The following SEMA5A variants were observed in gnomAD, a reference collection of about 807,000 sequenced individuals.
The protein encoded by SEMA5A is semaphorin 5A, also known as semaphorin-5A.
A neutral mutation model predicts 135.5 loss-of-function variants in SEMA5A; 55 were observed. The ratio of observed to expected loss-of-function variants is 0.41; its 90% CI spans 0.33 to 0.51. The LOEUF (loss-of-function observed/expected upper bound fraction) is 0.51, where lower values mean the gene tolerates loss of function less well. Among genes scored for constraint, SEMA5A ranks in the 20% least tolerant of loss-of-function variants. The pLI, the probability that SEMA5A is intolerant of heterozygous loss-of-function variation, is 0.37. For missense variants in SEMA5A, 1,290 were observed against 1,419.9 expected (o/e 0.91, Z 1.47); for synonymous variants, 580 against 546.5 (o/e 1.06, Z -0.85).
At chr5:9,077,298 A>G (rs761369075) in intron 16 of SEMA5A, among the ~76,000 whole-genome samples, 1 of 152,206 alleles carries the variant, frequency 6.6e-6, no homozygotes, top group Non-Finnish European at 1.5e-5. Context: ...GGCTCATAGA[A>G]GGGGAAAAGA....
rs1165902782 is a variant in SEMA5A at position 9,039,449 on chromosome 5, A to G, written c.*3448T>C. ...GTTTCTCCCCAGCAGGGATGCCCTC[A>G]CCCTCATTCAATGTTTATCGTCTCT... is the stretch of plus-strand genomic sequence containing the variant. On this transcript the variant is annotated 3_prime_UTR_variant, in exon 23 of 23. Coordinates refer to ENST00000382496, the MANE Select transcript of SEMA5A (RefSeq NM_003966.3). The G allele has an allele frequency of 6.6e-6, 1 of 152,188 alleles. No individual in the cohort carries two copies. Among genetic ancestry groups the G allele is most frequent in the African/African-American group, 2.4e-5 (1 of 41,420 alleles). 9.4% of individuals were successfully genotyped at this position (152,188 alleles called of 1,614,324 possible).
At chr5:9,327,079 G>A (rs191560890) in intron 4 of SEMA5A, among the ~76,000 whole-genome samples, 1 of 152,032 alleles carries the variant, frequency 6.6e-6, no homozygotes, top group Non-Finnish European at 1.5e-5. Context: ...TTTTTCATGG[G>A]TTTCTCAGAA....
intron 2 of SEMA5A, among the ~76,000 whole-genome samples, chr5:9,411,469 C>T (rs1757105025): frequency 6.6e-6 from 1 of 152,154 alleles, no homozygotes; most frequent in African/African-American, 2.4e-5. Context: ...ACACCTGAGC[C>T]TCCCTATACA....
At chr5:9,305,157 T>C (rs1168665558) in intron 5 of SEMA5A, among the ~76,000 whole-genome samples, 1 of 152,166 alleles carries the variant, frequency 6.6e-6, no homozygotes, top group African/African-American at 2.4e-5. Flanking sequence ...TTCCTGGGCC[T>C]AGTGTGTTAA....
chr5:9,337,881 T>G (rs1470847741), intron 3 of SEMA5A, 69 bp from the exon 4 acceptor site: 37 of 1,043,908 alleles, frequency 3.5e-5, no homozygotes, highest in Non-Finnish European at 5.1e-5. Context: ...CCACAGATAG[T>G]GCACATCAGG....
intron 2 of SEMA5A, among the ~76,000 whole-genome samples, chr5:9,433,826 G>C (rs1452193617): frequency 6.6e-6 from 1 of 152,122 alleles, no homozygotes; most frequent in African/African-American, 2.4e-5. Context: ...TATAAATGAA[G>C]TATAAATATC....
At chr5:9,239,264 A>G (rs930752524) in intron 5 of SEMA5A, among the ~76,000 whole-genome samples, 1 of 152,184 alleles carries the variant, frequency 6.6e-6, no homozygotes, top group Admixed American at 6.5e-5. Context: ...TCAACATCTG[A>G]TAAGAGAATT....
At chr5:9,192,086 T>A (rs1196615959) in intron 10 of SEMA5A, among the ~76,000 whole-genome samples, 197 of 98,394 alleles carry the variant, frequency 2.0e-3, no homozygotes, top group Middle Eastern at 6.7e-3. Context: ...CCATGACCCA[T>A]GTGTGAGTTT....
chr5:9,326,595 CAT>C (rs1348600550), intron 4 of SEMA5A, among the ~76,000 whole-genome samples: 1 of 152,064 alleles, frequency 6.6e-6, no homozygotes, highest in Non-Finnish European at 1.5e-5. Flanking sequence ...GCCTGGCCAA[CAT>C]GGCGGGAACC....
chr5:9,469,573 A>T (rs1313532062), intron 1 of SEMA5A, among the ~76,000 whole-genome samples: 2 of 152,208 alleles, frequency 1.3e-5, no homozygotes, highest in Non-Finnish European at 2.9e-5. Context: ...CACTCGCTCC[A>T]GGTCATTGAT....
intron 12 of SEMA5A, among the ~76,000 whole-genome samples, chr5:9,142,807 T>C (rs1021103250): frequency 6.6e-6 from 1 of 152,040 alleles, no homozygotes; most frequent in Non-Finnish European, 1.5e-5. Flanking sequence ...TGTTCAAAAA[T>C]AGAAAAATTA....
At chr5:9,500,394 A>G (rs563009276) in intron 1 of SEMA5A, among the ~76,000 whole-genome samples, 68 of 152,280 alleles carry the variant, frequency 4.5e-4, no homozygotes, top group African/African-American at 1.6e-3. Context: ...ATGTTAAGAA[A>G]TATCTGGCAA....
At chr5:9,424,946 A>T (rs1314914244) in intron 2 of SEMA5A, among the ~76,000 whole-genome samples, 1 of 152,176 alleles carries the variant, frequency 6.6e-6, no homozygotes. Context: ...TCTCTGACCC[A>T]GTGGTGACCT....
intron 16 of SEMA5A, among the ~76,000 whole-genome samples, chr5:9,070,109 A>G (rs1737694402): frequency 6.6e-6 from 1 of 152,202 alleles, no homozygotes; most frequent in Non-Finnish European, 1.5e-5. Context: ...GGTGGCTCAC[A>G]TCTGTAATCC....
At chr5:9,395,102 TATTTAC>T (rs999807977) in intron 2 of SEMA5A, among the ~76,000 whole-genome samples, 3 of 152,180 alleles carry the variant, frequency 2.0e-5, no homozygotes, top group African/African-American at 7.2e-5. Context: ...ATGAGCAAAA[TATTTAC>T]ATTTAAAGGA....
intron 1 of SEMA5A, among the ~76,000 whole-genome samples, chr5:9,542,622 T>C (rs1185861774): frequency 6.6e-6 from 1 of 152,212 alleles, no homozygotes; most frequent in Non-Finnish European, 1.5e-5. Flanking sequence ...CCAAGCAATT[T>C]GTCTGGGTAA....
chr5:9,313,202 G>A (rs1752223180), intron 5 of SEMA5A, among the ~76,000 whole-genome samples: 1 of 152,078 alleles, frequency 6.6e-6, no homozygotes, highest in Non-Finnish European at 1.5e-5. Flanking sequence ...GTCAAAGCAG[G>A]AGAAAAAATT....
At chr5:9,053,533 C>T (rs935119701) in intron 19 of SEMA5A, among the ~76,000 whole-genome samples, 7 of 152,142 alleles carry the variant, frequency 4.6e-5, no homozygotes, top group Non-Finnish European at 8.8e-5. Flanking sequence ...GTCCCCTTGT[C>T]ACATTTTAGA....
chr5:9,419,251 G>T (rs1393234036), intron 2 of SEMA5A, among the ~76,000 whole-genome samples: 1 of 152,124 alleles, frequency 6.6e-6, no homozygotes, highest in African/African-American at 2.4e-5. Context: ...TGATTTCCAG[G>T]TTTTTGAATT....
Sources: allele counts gnomAD v4.1 joint callset (sites outside exome capture counted in the v4.1 genomes callset), GRCh38; gene constraint gnomAD v4.1.1; transcripts MANE v1.5; gene names NCBI Gene and HGNC (gene_info 2026-07-23, HGNC 2026-07-21).